TBC1D1: variants seen among roughly 807,000 people sequenced by gnomAD.
TBC1D1 encodes the protein TBC1 domain family member 1, also known as TBC1 (tre-2/USP6, BUB2, cdc16) domain family, member 1.
A neutral mutation model predicts 125.6 loss-of-function variants in TBC1D1; 89 were observed. The ratio of observed to expected loss-of-function variants is 0.71; its 90% CI spans 0.60 to 0.85. The LOEUF (loss-of-function observed/expected upper bound fraction) is 0.85. TBC1D1 is among the 40% of genes least tolerant of loss of function. The pLI is 0.00. For missense variants in TBC1D1, 1,377 were observed against 1,469.2 expected (o/e 0.94, Z 1.03); for synonymous variants, 565 against 564.1 (o/e 1.00, Z -0.02).
intron 6 of TBC1D1, among the ~76,000 whole-genome samples, chr4:38,026,142 T>C (rs1288451129): frequency 6.6e-6 from 1 of 152,004 alleles, no homozygotes; most frequent in Non-Finnish European, 1.5e-5. Flanking sequence ...GCACATAAAG[T>C]GTTAAGTGAA....
intron 2 of TBC1D1, among the ~76,000 whole-genome samples, chr4:37,920,032 G>A (rs1249055608): frequency 6.6e-6 from 1 of 152,228 alleles, no homozygotes; most frequent in East Asian, 1.9e-4. Flanking sequence ...AGAATGGCGT[G>A]AACCGGTGAG....
intron 2 of TBC1D1, among the ~76,000 whole-genome samples, chr4:37,906,538 T>C (rs1717383512): frequency 1.3e-5 from 2 of 152,232 alleles, no homozygotes; most frequent in African/African-American, 4.8e-5. Context: ...ATCAGTGATT[T>C]CACCATTCTT....
At chr4:38,095,708 G>T (rs1462013048) in intron 13 of TBC1D1, among the ~76,000 whole-genome samples, 1 of 152,136 alleles carries the variant, frequency 6.6e-6, no homozygotes, top group Non-Finnish European at 1.5e-5. Flanking sequence ...GAGTATGTTG[G>T]GGGTGAAGGG....
intron 2 of TBC1D1, among the ~76,000 whole-genome samples, chr4:37,918,886 A>G (rs911762284): frequency 6.6e-6 from 1 of 152,182 alleles, no homozygotes; most frequent in Non-Finnish European, 1.5e-5. Flanking sequence ...TTAATTTCCT[A>G]CTACATTTCT....
chr4:38,136,763 A>C (rs1766693468), intron 19 of TBC1D1, among the ~76,000 whole-genome samples: 1 of 152,158 alleles, frequency 6.6e-6, no homozygotes. Context: ...TCTTTGTGTC[A>C]CTGACGCCCA....
intron 2 of TBC1D1, among the ~76,000 whole-genome samples, chr4:38,009,773 G>A (rs13146688): frequency 0.11 from 16,647 of 152,196 alleles, 1,370 homozygotes; most frequent in East Asian, 0.42. Context: ...TTGAGTTTTA[G>A]TATAAACTCA....
chr4:38,112,011 C>T (rs1762277252), intron 15 of TBC1D1: 3 of 985,380 alleles, frequency 3.0e-6, no homozygotes, highest in East Asian at 1.1e-4. Flanking sequence ...TGTGTTTTAG[C>T]TTGGCCAGTT....
At chr4:38,061,891 A>G (rs1205044002) in intron 12 of TBC1D1, among the ~76,000 whole-genome samples, 1 of 152,262 alleles carries the variant, frequency 6.6e-6, no homozygotes, top group Non-Finnish European at 1.5e-5. Flanking sequence ...TACATGTGTC[A>G]TATATAGTTT....
At chr4:37,992,272 C>G (rs1429429281) in intron 2 of TBC1D1, among the ~76,000 whole-genome samples, 2 of 152,004 alleles carry the variant, frequency 1.3e-5, no homozygotes, top group Admixed American at 1.3e-4. Flanking sequence ...AGGCCCGGAC[C>G]AGCGCTTGAG....
chr4:37,974,304 C>G (rs1368178294), intron 2 of TBC1D1, among the ~76,000 whole-genome samples: 3 of 152,116 alleles, frequency 2.0e-5, no homozygotes, highest in African/African-American at 7.2e-5. Flanking sequence ...AATCTCAACT[C>G]ACTGCAGTTT....
Position 38,044,332 on chromosome 4 carries a change from T to C in TBC1D1, c.1414-30T>C, listed in dbSNP as rs756656657. On this transcript the variant is annotated intron_variant, in intron 8 of 19. Transcript: ENST00000261439. ...CTTTAAGAAGCAGAGAAGGGAGCGA[T>C]AAATGACTTTTCGTTTTTCACTTTT... is the stretch of plus-strand genomic sequence containing the variant. The C allele has an allele frequency of 3.2e-6, 5 of 1,586,982 alleles. No homozygotes were observed. In the East Asian group the frequency reaches 1.1e-4, roughly 36 times the overall value.
intron 1 of TBC1D1, among the ~76,000 whole-genome samples, chr4:37,898,664 G>A (rs962711291): frequency 6.6e-6 from 1 of 152,026 alleles, no homozygotes; most frequent in Non-Finnish European, 1.5e-5. Context: ...CAAGAGAAAT[G>A]CTGACTGTCT....
chr4:37,984,596 C>G (rs1397303672), intron 2 of TBC1D1, among the ~76,000 whole-genome samples: 2 of 152,112 alleles, frequency 1.3e-5, no homozygotes. Flanking sequence ...GTGATCCCAG[C>G]ACTTTGGGAG....
intron 2 of TBC1D1, among the ~76,000 whole-genome samples, chr4:37,921,741 G>GT (rs1362923062): frequency 6.6e-6 from 1 of 151,946 alleles, no homozygotes; most frequent in East Asian, 1.9e-4. Flanking sequence ...TGCCTGTCCT[G>GT]TTTTTTGGGG....
intron 6 of TBC1D1, among the ~76,000 whole-genome samples, chr4:38,025,253 G>A (rs1217891750): frequency 6.6e-6 from 1 of 152,242 alleles, no homozygotes; most frequent in Admixed American, 6.5e-5. Flanking sequence ...CTCTCTTGAT[G>A]CTGGTTACCT....
At chr4:38,024,887 C>T (rs1744771293) in intron 6 of TBC1D1, among the ~76,000 whole-genome samples, 1 of 152,140 alleles carries the variant, frequency 6.6e-6, no homozygotes, top group African/African-American at 2.4e-5. Flanking sequence ...TTTTCTTAAT[C>T]AGTAAGTGTA....
chr4:37,964,457 A>G (rs1578072230), intron 2 of TBC1D1, among the ~76,000 whole-genome samples: 1 of 152,168 alleles, frequency 6.6e-6, no homozygotes, highest in African/African-American at 2.4e-5. Flanking sequence ...TGTGGCGAGG[A>G]CCAAGCCCGC....
chr4:37,960,095 G>T (rs1296868086), intron 2 of TBC1D1, among the ~76,000 whole-genome samples: 4 of 152,124 alleles, frequency 2.6e-5, no homozygotes, highest in African/African-American at 9.7e-5. Context: ...TTTATTTATT[G>T]GTTGCTCTGC....
At chr4:38,038,664 C>G (rs1300228048) in intron 8 of TBC1D1, among the ~76,000 whole-genome samples, 1 of 152,120 alleles carries the variant, frequency 6.6e-6, no homozygotes, top group East Asian at 1.9e-4. Flanking sequence ...ATATTTTCAT[C>G]CTGCCGGGCG....
Sources: allele counts gnomAD v4.1 joint callset (sites outside exome capture counted in the v4.1 genomes callset), GRCh38; gene constraint gnomAD v4.1.1; transcripts MANE v1.5; gene names NCBI Gene and HGNC (gene_info 2026-07-23, HGNC 2026-07-21).